The following RBM6 variants were observed in gnomAD, a reference collection of about 807,000 sequenced individuals.
RBM6 encodes the protein RNA-binding protein 6.
Under a neutral mutation model 140.4 loss-of-function variants are expected in RBM6, and 23 were observed. That is an observed-to-expected ratio of 0.16 (90% CI 0.12 to 0.23). The LOEUF is 0.23. RBM6 is among the 10% of genes least tolerant of loss of function. The pLI, the probability that RBM6 is intolerant of heterozygous loss-of-function variation, is 1.00. For missense variants in RBM6, 1,139 were observed against 1,386.7 expected (o/e 0.82, Z 2.84); for synonymous variants, 439 against 475.6 (o/e 0.92, Z 1.00).
chr3:49,952,807 T>C (rs927209344), intron 1 of RBM6, among the ~76,000 whole-genome samples: 2 of 152,154 alleles, frequency 1.3e-5, no homozygotes, highest in African/African-American at 4.8e-5. Context: ...TTATTTTTCT[T>C]TTTGTTACTG....
chr3:49,960,760 G>A lies in RBM6; in HGVS notation c.-66-1816G>A, dbSNP rs138908900. Among the ~76,000 whole-genome samples the A allele has an allele frequency of 7.2e-5, 11 of 152,214 alleles. 1 individual carries two copies. The East Asian group carries it at 1.9e-3, about 27-fold the overall frequency. On this transcript the variant is annotated intron_variant, in intron 1 of 20. Coordinates refer to ENST00000266022, the MANE Select transcript of RBM6 (RefSeq NM_005777.3). ...CGATTGCTCATGCTGGATGGTGTCC[G>A]ATCAGGTCTGAGACAGTGGGGTTGA...
At position 49,994,669 on chromosome 3, in the gene RBM6, G is replaced by GGGGTGT. The variant is rs148704782; in HGVS notation, c.1484-4770_1484-4769insGGTGTG. ...TTTTGTTTGGAGAAAAAGGCTGTGG[G>GGGGTGT]GTGTGTGTGTGTGTGTGTGTGTGTG... On this transcript the variant is annotated intron_variant, in intron 5 of 20. Coordinates refer to ENST00000266022, the MANE Select transcript of RBM6 (RefSeq NM_005777.3). Among the ~76,000 whole-genome samples, 478 of 148,260 alleles carry GGGGTGT rather than the reference G, an allele frequency of 3.2e-3. 5 individuals are homozygous for GGGGTGT. The highest frequency in any genetic ancestry group is 0.012 in the African/African-American group (467 of 40,106).
intron 5 of RBM6, among the ~76,000 whole-genome samples, chr3:49,979,580 C>G (rs1267276500): frequency 6.6e-6 from 1 of 151,728 alleles, no homozygotes; most frequent in Non-Finnish European, 1.5e-5. Flanking sequence ...ACTGGGATTA[C>G]AGGTGTGTGC....
chr3:49,996,469 G>T (rs1325241797), intron 5 of RBM6, among the ~76,000 whole-genome samples: 2 of 151,736 alleles, frequency 1.3e-5, no homozygotes, highest in African/African-American at 2.4e-5. Context: ...TATCCATAAG[G>T]GTATATTCAT....
chr3:49,967,834 G>C lies in RBM6; in HGVS notation c.409G>C (p.Gly137Arg). The change falls in exon 3 of 21, where the codon GGT (glycine) becomes CGT (arginine). Residue 137 changes from glycine to arginine, a missense_variant. Gly to Arg is a moderately radical substitution (Grantham distance 125). Around this residue, in one of 9 missense-constraint regions of RBM6, gnomAD observed 566 missense variants for 612.7 expected, o/e 0.92. Coordinates refer to ENST00000266022, the MANE Select transcript of RBM6 (RefSeq NM_005777.3). The surrounding 1 kb of genome is among the most constrained non-coding windows in gnomAD (Gnocchi z 4.0). ...AGAAGGACCACCTATGGACTATAGG[G>C]GTGGAGATGGTACTTCTATGGATTA... The part of the protein sequence containing the change: ...DREGPPMDYR[G>R]GDGTSMDYRG... 2 of 1,614,056 alleles carry C rather than the reference G, an allele frequency of 1.2e-6. No homozygotes were observed. The highest frequency in any genetic ancestry group is 8.5e-7 in the Non-Finnish European group (1 of 1,180,030).
chr3:49,974,428 G>A (rs2084963626), intron 4 of RBM6, among the ~76,000 whole-genome samples: 1 of 150,046 alleles, frequency 6.7e-6, no homozygotes, highest in Non-Finnish European at 1.5e-5. Context: ...CTGGAATGCA[G>A]TGGTGCGATC....
intron 5 of RBM6, among the ~76,000 whole-genome samples, chr3:49,988,596 A>C (rs34080578): frequency 0.52 from 78,916 of 152,012 alleles, 21,803 homozygotes; most frequent in African/African-American, 0.68. Context: ...ACAAAATCTT[A>C]CCTTTGGTGT....
chr3:49,982,106 T>C (rs1250984285), intron 5 of RBM6, among the ~76,000 whole-genome samples: 1 of 152,162 alleles, frequency 6.6e-6, no homozygotes, highest in Non-Finnish European at 1.5e-5. Context: ...ATGTGGTGAA[T>C]GGACAGTCTC....
intron 5 of RBM6, among the ~76,000 whole-genome samples, chr3:49,975,749 T>C (rs963830441): frequency 2.6e-5 from 4 of 152,238 alleles, no homozygotes; most frequent in Admixed American, 2.0e-4. Context: ...GCTTGTTGTA[T>C]GTAAAATTTT....
intron 2 of RBM6, among the ~76,000 whole-genome samples, chr3:49,966,850 T>C (rs537750285): frequency 7.7e-4 from 117 of 152,290 alleles, no homozygotes; most frequent in African/African-American, 2.7e-3. Flanking sequence ...AACTGGGATT[T>C]AGATGCAGCC....
chr3:50,061,297 A>G, intron 13 of RBM6, 76 bp downstream of exon 13: 1 of 1,606,182 alleles, frequency 6.2e-7, no homozygotes, highest in Admixed American at 1.7e-5. Flanking sequence ...CTGTGTGATC[A>G]CAGTTGGCAA....
chr3:50,004,308 C>CT (rs1362828616), intron 6 of RBM6, among the ~76,000 whole-genome samples: 2 of 55,654 alleles, frequency 3.6e-5, no homozygotes, highest in African/African-American at 1.4e-4. Context: ...TTCTCCCCTC[C>CT]CCCCCCTCCC....
At chr3:50,063,595 CAAA>C (rs531070691) in intron 15 of RBM6, among the ~76,000 whole-genome samples, 11 of 87,176 alleles carry the variant, frequency 1.3e-4, no homozygotes, top group Admixed American at 3.8e-4. Context: ...AGACTTGTCT[CAAA>C]AAAAAAAAAA....
chr3:49,941,076 C>T (rs1575493626), intron 1 of RBM6: 1 of 151,908 alleles, frequency 6.6e-6, no homozygotes, highest in East Asian at 1.9e-4. Flanking sequence ...CTGGATTGTG[C>T]CCTCGGCTTG....
intron 3 of RBM6, 22 bp downstream of exon 3, chr3:49,968,770 C>CTTTTTTTTTTTTT (rs569224640): frequency 1.6e-6 from 1 of 611,612 alleles, no homozygotes; most frequent in African/African-American, 3.1e-5. Flanking sequence ...GGGTGGATTG[C>CTTTTTTTTTTTTT]TTTTTTTTTT....
chr3:49,945,287 C>G (rs769257038), intron 1 of RBM6, among the ~76,000 whole-genome samples: 1 of 151,630 alleles, frequency 6.6e-6, no homozygotes, highest in Non-Finnish European at 1.5e-5. Context: ...AAGCTATCCT[C>G]TCACCTCACC....
intron 8 of RBM6, among the ~76,000 whole-genome samples, chr3:50,054,861 T>C (rs1295406197): frequency 6.6e-6 from 1 of 152,050 alleles, no homozygotes; most frequent in Non-Finnish European, 1.5e-5. Flanking sequence ...AGTCTCGTAC[T>C]CACCCAGGCT....
chr3:50,016,012 T>G (rs576796032), intron 6 of RBM6, among the ~76,000 whole-genome samples: 56 of 152,320 alleles, frequency 3.7e-4, no homozygotes, highest in Non-Finnish European at 6.3e-4. Context: ...CACCATGCTG[T>G]GCAATAGATA....
At chr3:50,016,698 C>T (rs1190740819) in intron 6 of RBM6, among the ~76,000 whole-genome samples, 1 of 152,028 alleles carries the variant, frequency 6.6e-6, no homozygotes, top group Non-Finnish European at 1.5e-5. Flanking sequence ...GAGACAGTGT[C>T]TTGCTGCATC....
Sources: allele counts gnomAD v4.1 joint callset (sites outside exome capture counted in the v4.1 genomes callset), GRCh38; gene constraint gnomAD v4.1.1; regional missense constraint gnomAD v4.1.1; non-coding constraint Gnocchi (gnomAD v3.1); transcripts MANE v1.5; gene names NCBI Gene and HGNC (gene_info 2026-07-23, HGNC 2026-07-21).